The following BMPR1A variants were observed in gnomAD, a reference collection of about 807,000 sequenced individuals.
BMPR1A encodes bone morphogenetic protein receptor type-1A.
A neutral mutation model predicts 66.0 loss-of-function variants in BMPR1A; 7 were observed. The observed-to-expected ratio is 0.11, with a 90% CI of 0.06 to 0.20. BMPR1A has a LOEUF of 0.20. Among genes scored for constraint, BMPR1A ranks in the 10% least tolerant of loss-of-function variants. The pLI, the probability that BMPR1A is intolerant of heterozygous loss-of-function variation, is 1.00. For missense variants in BMPR1A, 408 were observed against 669.1 expected (o/e 0.61, Z 4.31); for synonymous variants, 200 against 229.7 (o/e 0.87, Z 1.17).
rs146693484 is a variant in BMPR1A, at chr10:86,802,668, C to T, written c.-267-36197C>T. On this transcript the variant is annotated intron_variant, in intron 1 of 12. Transcript: ENST00000372037. ...ACCATCCTTACAGATACTTCTCATT[C>T]ATTAACCTCGAATGTTAGCTTTAAT... Among the ~76,000 whole-genome samples the T allele has an allele frequency of 3.8e-3, 572 of 151,450 alleles. 7 individuals are homozygous for T. Among genetic ancestry groups the T allele is most frequent in the African/African-American group, 0.013 (545 of 41,410 alleles).
intron 1 of BMPR1A, among the ~76,000 whole-genome samples, chr10:86,809,218 A>C (rs1841932225): frequency 6.6e-6 from 1 of 152,196 alleles, no homozygotes; most frequent in Non-Finnish European, 1.5e-5. Flanking sequence ...AGTTGCATTA[A>C]GTATATTTAC....
chr10:86,826,991 TATCTTTC>T (rs1842204812), intron 1 of BMPR1A, among the ~76,000 whole-genome samples: 1 of 91,266 alleles, frequency 1.1e-5, no homozygotes, highest in East Asian at 1.7e-3. Context: ...TCTATCTACT[TATCTTTC>T]TATCTATTTA....
chr10:86,915,353 TTA>T (rs932942716), intron 8 of BMPR1A, among the ~76,000 whole-genome samples: 1 of 152,240 alleles, frequency 6.6e-6, no homozygotes, highest in African/African-American at 2.4e-5. Context: ...TTTTTTTACG[TTA>T]TTAAAATATT....
chr10:86,790,188 A>AAATATATATATATAT (rs1564685490), intron 1 of BMPR1A, among the ~76,000 whole-genome samples: 1 of 20,272 alleles, frequency 4.9e-5, no homozygotes. Flanking sequence ...AAAAAAAAAA[A>AAATATATATATATAT]ATATATATAT....
chr10:86,897,325 CTG>C (rs1203365636), intron 5 of BMPR1A, among the ~76,000 whole-genome samples: 1 of 152,146 alleles, frequency 6.6e-6, no homozygotes, highest in East Asian at 1.9e-4. Flanking sequence ...AAAGGAAAGG[CTG>C]TGTCACCCAA....
chr10:86,868,791 T>TTTTTTTTTTTTTTA (rs397742839), intron 2 of BMPR1A, among the ~76,000 whole-genome samples: 2 of 151,716 alleles, frequency 1.3e-5, no homozygotes, highest in South Asian at 2.1e-4. Context: ...TTTTTTTTTT[T>TTTTTTTTTTTTTTA]AAGTTCCAAT....
At chr10:86,785,005 C>T (rs1419965638) in intron 1 of BMPR1A, among the ~76,000 whole-genome samples, 1 of 151,982 alleles carries the variant, frequency 6.6e-6, no homozygotes, top group African/African-American at 2.4e-5. Context: ...TTTTCTGTAT[C>T]CCTTAAGTTT....
rs764020656 is a variant in BMPR1A, at chr10:86,876,669, G to A, written c.67+584G>A. On this transcript the variant is annotated intron_variant, in intron 3 of 12. Transcript: ENST00000372037. ...GCCTGTAATCCCAGCTACTCGGGAG[G>A]CTGAGGCAGGAGAATCACTTGAACC... is the stretch of plus-strand genomic sequence containing the variant. Among the ~76,000 whole-genome samples, 169 of 152,236 alleles carry A rather than the reference G, an allele frequency of 1.1e-3. 1 individual carries two copies. Among genetic ancestry groups the A allele is most frequent in the Non-Finnish European group, 2.0e-3 (136 of 68,028 alleles).
intron 1 of BMPR1A, among the ~76,000 whole-genome samples, chr10:86,837,297 T>C (rs1842368008): frequency 7.1e-6 from 1 of 141,526 alleles, no homozygotes; most frequent in Admixed American, 7.2e-5. Flanking sequence ...CTCGAACTCC[T>C]GACCTCAAGT....
intron 5 of BMPR1A, among the ~76,000 whole-genome samples, chr10:86,897,752 G>A (rs980047484): frequency 6.6e-6 from 1 of 151,876 alleles, no homozygotes; most frequent in South Asian, 2.1e-4. Flanking sequence ...GACCACAGGC[G>A]TGTACCACCA....
intron 2 of BMPR1A, among the ~76,000 whole-genome samples, chr10:86,864,882 A>G (rs1213561038): frequency 6.6e-6 from 1 of 152,120 alleles, no homozygotes; most frequent in African/African-American, 2.4e-5. Context: ...ATCTCCCTTC[A>G]GCTTAATCTC....
chr10:86,805,327 T>C (rs929403469), intron 1 of BMPR1A, among the ~76,000 whole-genome samples: 4 of 151,788 alleles, frequency 2.6e-5, no homozygotes, highest in Non-Finnish European at 5.9e-5. Flanking sequence ...TTTAACATTT[T>C]CCCATATTTG....
At chr10:86,814,631 TATA>T (rs1459400032) in intron 1 of BMPR1A, among the ~76,000 whole-genome samples, 2 of 152,292 alleles carry the variant, frequency 1.3e-5, no homozygotes, top group East Asian at 3.9e-4. Flanking sequence ...TCATGCTTTA[TATA>T]ATTTTCTTAA....
Position 86,863,747 on chromosome 10 carries a change from C to T in BMPR1A, c.-152-12120C>T, listed in dbSNP as rs527916137. Among the ~76,000 whole-genome samples, 13 of 152,148 alleles carry T rather than the reference C, an allele frequency of 8.5e-5. No homozygotes were observed. In the South Asian group the frequency reaches 1.5e-3, roughly 17 times the overall value. ...AAGTCCTGAGACTATTAGACCAGCT[C>T]GCCCCTGAACTTTTTGTGGCAGGGA... On this transcript the variant is annotated intron_variant, in intron 2 of 12. Transcript: ENST00000372037.
intron 1 of BMPR1A, among the ~76,000 whole-genome samples, chr10:86,763,812 G>A (rs1376685821): frequency 9.7e-6 from 1 of 102,994 alleles, no homozygotes. Flanking sequence ...TTTTTTTTGA[G>A]ACGGAGTCTC....
At chr10:86,768,051 A>G (rs141516775) in intron 1 of BMPR1A, among the ~76,000 whole-genome samples, 125 of 152,184 alleles carry the variant, frequency 8.2e-4, no homozygotes, top group African/African-American at 2.9e-3. Flanking sequence ...CTTGGGTCAC[A>G]TTTTTCTGTG....
At chr10:86,855,140 T>G (rs981349375) in intron 2 of BMPR1A, 3 of 365,442 alleles carry the variant, frequency 8.2e-6, no homozygotes, top group Non-Finnish European at 1.5e-5. Flanking sequence ...ACATCAGGTC[T>G]CGAACTCCTG....
At chr10:86,794,833 T>C (rs891347973) in intron 1 of BMPR1A, among the ~76,000 whole-genome samples, 3 of 150,996 alleles carry the variant, frequency 2.0e-5, no homozygotes, top group Non-Finnish European at 4.4e-5. Flanking sequence ...TCTATAGATA[T>C]AGATATATAG....
intron 11 of BMPR1A, 81 bp from the exon 12 acceptor site, chr10:86,923,295 G>T (rs1346141750): frequency 2.5e-6 from 4 of 1,581,156 alleles, no homozygotes; most frequent in Non-Finnish European, 3.5e-6. Context: ...TAGTTCCATA[G>T]TTTAGCAAAA....
Sources: allele counts gnomAD v4.1 joint callset (sites outside exome capture counted in the v4.1 genomes callset), GRCh38; gene constraint gnomAD v4.1.1; transcripts MANE v1.5; gene names NCBI Gene and HGNC (gene_info 2026-07-23, HGNC 2026-07-21).